SGO2: variants seen among roughly 807,000 people sequenced by gnomAD.
SGO2 encodes shugoshin 2, also known as shugoshin-like 2.
SGO2 carries 68 observed loss-of-function variants against 99.5 expected under a neutral mutation model. That is an observed-to-expected ratio of 0.68 (90% confidence interval 0.56 to 0.84). The LOEUF (loss-of-function observed/expected upper bound fraction) is 0.84, where lower values mean the gene tolerates loss of function less well. Ranked by LOEUF, SGO2 falls within the 40% of genes least tolerant of loss-of-function variation. SGO2 has a pLI of 0.00. For missense variants in SGO2, 1,350 were observed against 1,436.7 expected (o/e 0.94, Z 0.97); for synonymous variants, 457 against 487.1 (o/e 0.94, Z 0.81).
chr2:200,562,504 T>G (rs1184488644), intron 5 of SGO2, among the ~76,000 whole-genome samples: 1 of 152,240 alleles, frequency 6.6e-6, no homozygotes, highest in Non-Finnish European at 1.5e-5. Flanking sequence ...GCCTCCAGCT[T>G]TGTTCTTTTG....
At position 200,572,394 on chromosome 2, in the gene SGO2, A is replaced by G. The variant is rs747619033; in HGVS notation, c.2048A>G (p.Tyr683Cys). Reference protein sequence around the residue: ...STRDNENQCDYRTQNVLGLQK... With the variant: ...STRDNENQCDCRTQNVLGLQK... Reference sequence around the variant, plus strand: ...AGAGATAATGAAAATCAATGTGACTATAGGACCCAGAATGTGTTGGGTTTG... The same window carrying G: ...AGAGATAATGAAAATCAATGTGACTGTAGGACCCAGAATGTGTTGGGTTTG... Residue 683 changes from tyrosine to cysteine, a missense_variant, in exon 7 of 9, where the codon TAT (tyrosine) becomes TGT (cysteine). Coordinates refer to ENST00000357799, the MANE Select transcript of SGO2 (RefSeq NM_152524.6). The G allele has an allele frequency of 4.3e-6, 7 of 1,613,562 alleles. No homozygotes were observed. Among genetic ancestry groups the G allele is most frequent in the African/African-American group, 1.3e-5 (1 of 75,032 alleles).
Position 200,573,043 on chromosome 2 carries a change from T to C in SGO2, c.2697T>C (p.Asn899=). The C allele has an allele frequency of 6.4e-7, 1 of 1,565,666 alleles. No homozygotes were observed. The highest frequency in any genetic ancestry group is 1.2e-5 in the South Asian group (1 of 81,354). ...YVTDRKSAEQ[N]ESKINKLRNK... is the part of the protein sequence containing the mutation. ...CTGATAGGAAATCTGCTGAGCAAAA[T>C]GAATCAAAAATAAATAAGCTCAGGA... Residue 899 remains asparagine (N), a synonymous_variant, in exon 7 of 9, where the codon AAT becomes AAC. Transcript: ENST00000357799.
At position 200,557,183 on chromosome 2, in the gene SGO2, G is replaced by A. The variant is rs578022753; in HGVS notation, c.474-12480G>A. 4.6e-5 allele frequency among the ~76,000 whole-genome samples: 7 copies of A among 152,238 alleles called. No individual in the cohort carries two copies. In the East Asian group the frequency reaches 1.4e-3, roughly 29 times the overall value. ...TGCCAAATTTGTTCGTAGCCAAGAG[G>A]GACTTTACTGATGGGGGCCTCTAAT... On this transcript the variant is annotated intron_variant, in intron 5 of 8. Transcript: ENST00000357799.
Position 200,572,166 on chromosome 2 carries a change from C to A in SGO2, c.1820C>A (p.Ser607Ter). ...ATTCAACCCTCAGAGCAAAATGAAT[C>A]AAACATTAATAAGCTTAGAAAGAAA... is the stretch of plus-strand genomic sequence containing the variant. ...TDIQPSEQNE[S>*]NINKLRKKVN... Residue 607 changes from serine (S) to a stop codon, truncating the protein, a stop_gained, in exon 7 of 9, where the codon TCA becomes TAA. Transcript: ENST00000357799. LOFTEE classifies it high-confidence loss of function. 1 of 1,612,290 alleles carries A rather than the reference C, an allele frequency of 6.2e-7. No homozygotes were observed. The highest frequency in any genetic ancestry group is 1.1e-5 in the South Asian group (1 of 90,588).
At chr2:200,544,141 A>G (rs1054330501) in intron 5 of SGO2, among the ~76,000 whole-genome samples, 1 of 152,242 alleles carries the variant, frequency 6.6e-6, no homozygotes, top group Non-Finnish European at 1.5e-5. Context: ...TCTTTTGCCC[A>G]GCATTATGTT....
At chr2:200,559,023 G>A (rs572458320) in intron 5 of SGO2, among the ~76,000 whole-genome samples, 7 of 152,224 alleles carry the variant, frequency 4.6e-5, no homozygotes, top group African/African-American at 1.4e-4. Flanking sequence ...GGTTGGTCTC[G>A]AACTCCTGAC....
rs2033371073 is a variant in SGO2, at chr2:200,570,589, T to C, written c.704-461T>C. 6.7e-6 allele frequency among the ~76,000 whole-genome samples: 1 copy of C among 150,068 alleles called. No individual in the cohort carries two copies. The highest frequency in any genetic ancestry group is 2.4e-5 in the African/African-American group (1 of 40,868). ...TATGGTATACATATAATGTATACAG[T>C]ATACATATATACATGTGTGTATATA... On this transcript the variant is annotated intron_variant, in intron 6 of 8. Coordinates refer to ENST00000357799, the MANE Select transcript of SGO2 (RefSeq NM_152524.6). The surrounding 1 kb of genome is among the most constrained non-coding windows in gnomAD (Gnocchi z 4.4).
At chr2:200,531,735 A>C (rs1266936973) in intron 1 of SGO2, 1 of 152,300 alleles carries the variant, frequency 6.6e-6, no homozygotes, top group Non-Finnish European at 1.5e-5. Context: ...TCTGGAGGCC[A>C]GAAGTCTAAA....
At chr2:200,577,773 A>C (rs1223775123) in intron 8 of SGO2, among the ~76,000 whole-genome samples, 1 of 151,018 alleles carries the variant, frequency 6.6e-6, no homozygotes, top group Admixed American at 6.6e-5. Context: ...ATATTTTCTC[A>C]TGATTGCAAT....
chr2:200,561,355 C>T (rs541147123), intron 5 of SGO2, among the ~76,000 whole-genome samples: 32 of 152,284 alleles, frequency 2.1e-4, no homozygotes, highest in African/African-American at 7.0e-4. Flanking sequence ...TCATCCATGT[C>T]CCTACAAAGG....
intron 5 of SGO2, among the ~76,000 whole-genome samples, chr2:200,546,324 G>T (rs2032209613): frequency 8.1e-6 from 1 of 124,128 alleles, no homozygotes; most frequent in Non-Finnish European, 1.6e-5. Flanking sequence ...CTGCACTCCA[G>T]CCTGGGCTAT....
Position 200,573,954 on chromosome 2 carries a change from G to A in SGO2, c.3608G>A (p.Arg1203Gln), listed in dbSNP as rs371253971. Residue 1203 changes from arginine (R) to glutamine (Q), a missense_variant, in exon 7 of 9, where the codon CGG becomes CAG. Arg to Gln is a conservative substitution (Grantham distance 43). Coordinates refer to ENST00000357799, the MANE Select transcript of SGO2 (RefSeq NM_152524.6). ...KMNKMKFKVN[R>Q]RTQKSGIGDR... Reference sequence around the variant, plus strand: ...AACAAGATGAAATTTAAAGTCAACCGGAGAACCCAAAAATCAGGAATAGGT... The same window carrying A: ...AACAAGATGAAATTTAAAGTCAACCAGAGAACCCAAAAATCAGGAATAGGT... 3.7e-5 allele frequency: 59 copies of A among 1,588,890 alleles called. No individual in the cohort carries two copies. In the African/African-American group the frequency reaches 4.2e-4, roughly 11 times the overall value.
Position 200,570,478 on chromosome 2 carries a change from A to ATTG in SGO2, c.704-571_704-570insTGT, listed in dbSNP as rs1553562331. ...TTAGAATTGTTTTTCCTTTCTGAAAATGTGTGTGTGTGTGTGTGTGTGTGT... is the reference window on the plus strand; with the variant it reads ...TTAGAATTGTTTTTCCTTTCTGAAAATTGTGTGTGTGTGTGTGTGTGTGTGTGT... On this transcript the variant is annotated intron_variant, in intron 6 of 8. Coordinates refer to ENST00000357799, the MANE Select transcript of SGO2 (RefSeq NM_152524.6). The surrounding 1 kb of genome is among the most constrained non-coding windows in gnomAD (Gnocchi z 4.4). 7.0e-6 allele frequency among the ~76,000 whole-genome samples: 1 copy of ATTG among 142,762 alleles called. No individual in the cohort carries two copies. Among genetic ancestry groups the ATTG allele is most frequent in the Non-Finnish European group, 1.5e-5 (1 of 65,512 alleles). The allele number at this position is 142,762 out of a possible 152,430, so 93.7% of individuals were successfully genotyped here. A position where few individuals can be genotyped will look rare whatever the true frequency, so the allele number is the denominator to read the frequency against.
Position 200,571,378 on chromosome 2 carries a change from C to T in SGO2, c.1032C>T (p.Cys344=). The T allele has an allele frequency of 6.2e-7, 1 of 1,611,198 alleles. No homozygotes were observed. Among genetic ancestry groups the T allele is most frequent in the Non-Finnish European group, 8.5e-7 (1 of 1,177,874 alleles). The part of the protein sequence containing the change: ...SESAREPNAE[C]MNQIEDNDDF... ...CTGCCAGAGAACCTAATGCAGAGTG[C>T]ATGAATCAAATTGAGGATAATGATG... The change falls in exon 7 of 9, where the codon TGC becomes TGT. Residue 344 remains cysteine (C), a synonymous_variant. Coordinates refer to ENST00000357799, the MANE Select transcript of SGO2 (RefSeq NM_152524.6).
intron 8 of SGO2, chr2:200,576,159 G>T: frequency 3.1e-6 from 1 of 324,026 alleles, no homozygotes; most frequent in Non-Finnish European, 6.0e-6. Flanking sequence ...CCAGCAGATG[G>T]CAGTAATATA....
At chr2:200,581,915 A>G (rs2033852816) in intron 8 of SGO2, among the ~76,000 whole-genome samples, 1 of 152,218 alleles carries the variant, frequency 6.6e-6, no homozygotes, top group Non-Finnish European at 1.5e-5. Context: ...TAATTACCCA[A>G]GGCAGTGGTA....
chr2:200,569,976 C>G (rs892607619), intron 6 of SGO2, 84 bp downstream of exon 6: 5 of 882,016 alleles, frequency 5.7e-6, no homozygotes, highest in Middle Eastern at 3.4e-4. Flanking sequence ...TTATGTATAA[C>G]AGTTAATAAG....
At chr2:200,538,304 G>A (rs1416058553) in intron 4 of SGO2, among the ~76,000 whole-genome samples, 2 of 152,092 alleles carry the variant, frequency 1.3e-5, no homozygotes, top group East Asian at 3.9e-4. Flanking sequence ...CACTCCCTCA[G>A]AGGTGAGCTG....
At chr2:200,535,450 T>C (rs2031647828) in intron 3 of SGO2, among the ~76,000 whole-genome samples, 1 of 152,216 alleles carries the variant, frequency 6.6e-6, no homozygotes, top group Non-Finnish European at 1.5e-5. Flanking sequence ...GGTACATTAA[T>C]ACATTTTTAA....
Sources: allele counts gnomAD v4.1 joint callset (sites outside exome capture counted in the v4.1 genomes callset), GRCh38; gene constraint gnomAD v4.1.1; non-coding constraint Gnocchi (gnomAD v3.1); transcripts MANE v1.5; gene names NCBI Gene and HGNC (gene_info 2026-07-23, HGNC 2026-07-21).